Variants in NBEAL1 observed in about 807,000 individuals in gnomAD.
NBEAL1 encodes neurobeachin-like protein 1.
NBEAL1 carries 273 observed loss-of-function variants against 351.3 expected under a neutral mutation model. The observed-to-expected ratio is 0.78, with a 90% CI of 0.70 to 0.86. The LOEUF is 0.86. Among genes scored for constraint, NBEAL1 ranks in the 40% least tolerant of loss-of-function variants. The pLI, the probability that NBEAL1 is intolerant of heterozygous loss-of-function variation, is 0.00. For synonymous variants in NBEAL1, 1,050 were observed against 1,086.4 expected (o/e 0.97, Z 0.66); for missense variants, 2,961 against 3,201.3 (o/e 0.92, Z 1.81).
At chr2:203,044,839 T>C (rs1050594255) in intron 3 of NBEAL1, among the ~76,000 whole-genome samples, 1 of 152,150 alleles carries the variant, frequency 6.6e-6, no homozygotes, top group Admixed American at 6.5e-5. Flanking sequence ...TACTAGAATA[T>C]AAAGCCTTTG....
rs1238388475 is a variant in NBEAL1 at position 203,223,939 on chromosome 2, A to C, written c.*6585A>C. Among the ~76,000 whole-genome samples the C allele has an allele frequency of 6.6e-6, 1 of 152,090 alleles. No individual in the cohort carries two copies. Among genetic ancestry groups the C allele is most frequent in the East Asian group, 1.9e-4 (1 of 5,194 alleles). On this transcript the variant is annotated 3_prime_UTR_variant, in exon 56 of 56. Coordinates refer to ENST00000683969, the MANE Select transcript of NBEAL1 (RefSeq NM_001378026.1). ...CACTTTAAGAAGTGGTTCTGGTAGG[A>C]TATCAGTAGTCAGACTTAATTGAAA...
In NBEAL1 at chr2:203,122,283, A is replaced by G; in HGVS notation, c.2622A>G (p.Leu874=). The change falls in exon 19 of 56, where the codon TTA becomes TTG. Residue 874 remains leucine (L), a synonymous_variant. Coordinates refer to ENST00000683969, the MANE Select transcript of NBEAL1 (RefSeq NM_001378026.1). The part of the protein sequence containing the change: ...KACKNSICLD[L]STNCLHGRLT... ...GCAAAAATTCAATCTGTCTTGATTT[A>G]TCTACTAATTGTTTGCATGGAAGAT... 3 of 1,544,184 alleles carry G rather than the reference A, an allele frequency of 1.9e-6. No homozygotes were observed. The highest frequency in any genetic ancestry group is 2.6e-6 in the Non-Finnish European group (3 of 1,144,604).
chr2:203,141,122 A>G (rs1473440326), intron 31 of NBEAL1, among the ~76,000 whole-genome samples: 2 of 151,508 alleles, frequency 1.3e-5, no homozygotes, highest in Admixed American at 1.3e-4. Context: ...AATTTAGCCT[A>G]ATGACTGCTA....
In NBEAL1 at chr2:203,197,342, C is replaced by T; in HGVS notation, c.7079C>T (p.Pro2360Leu). 5 of 1,606,252 alleles carry T rather than the reference C, an allele frequency of 3.1e-6. No individual in the cohort carries two copies. The highest frequency in any genetic ancestry group is 4.3e-6 in the Non-Finnish European group (5 of 1,172,990). The change falls in exon 48 of 56, where the codon CCC becomes CTC. Residue 2360 changes from proline (P) to leucine (L), a missense_variant. By Grantham distance (98) the Pro-to-Leu change is moderately conservative (BLOSUM62 -3). Transcript: ENST00000683969. The part of the protein sequence containing the change: ...DGIPLLKATI[P>L]KNQYRSFMSQ... ...ATTCCACTATTAAAGGCCACCATCC[C>T]CAAAAATCAGTATCGTTCTTTTATG... is the stretch of plus-strand genomic sequence containing the variant.
intron 37 of NBEAL1, 107 bp downstream of exon 37, chr2:203,166,404 G>T (rs2064132993): frequency 1.9e-6 from 2 of 1,070,698 alleles, no homozygotes; most frequent in Admixed American, 3.2e-5. Flanking sequence ...ATCATGTGAA[G>T]GGAGAAATGG....
intron 46 of NBEAL1, among the ~76,000 whole-genome samples, chr2:203,192,324 A>C (rs947774043): frequency 6.6e-6 from 1 of 152,196 alleles, no homozygotes; most frequent in African/African-American, 2.4e-5. Context: ...TATTGTGATG[A>C]AAATGATACA....
chr2:203,224,827 G>C lies in NBEAL1; in HGVS notation c.*7473G>C, dbSNP rs1324045916. 6.6e-6 allele frequency among the ~76,000 whole-genome samples: 1 copy of C among 152,076 alleles called. No individual in the cohort carries two copies. The highest frequency in any genetic ancestry group is 1.5e-5 in the Non-Finnish European group (1 of 67,982). On this transcript the variant is annotated 3_prime_UTR_variant, in exon 56 of 56. Transcript: ENST00000683969. ...TGCCCCCCAAAAACATTTTAAAGCT[G>C]AGCAATTTTTAATAAAGATGTATAA...
Position 203,056,556 on chromosome 2 carries a change from T to A in NBEAL1, c.387+48T>A, listed in dbSNP as rs765900171. 11 of 1,056,164 alleles carry A rather than the reference T, an allele frequency of 1.0e-5. No homozygotes were observed. The South Asian group carries it at 1.5e-4, about 14-fold the overall frequency. The allele number at this position is 1,056,164 out of a possible 1,614,324, so 65.4% of individuals were successfully genotyped here. Reference sequence around the variant, plus strand: ...TGTCACTTTACTGAGAACAACTAGGTTTTACTTTTTGTTTGTTTGTTTGTT... The same window carrying A: ...TGTCACTTTACTGAGAACAACTAGGATTTACTTTTTGTTTGTTTGTTTGTT... On this transcript the variant is annotated intron_variant, in intron 5 of 55. Coordinates refer to ENST00000683969, the MANE Select transcript of NBEAL1 (RefSeq NM_001378026.1).
At chr2:203,113,584 G>C (rs1052534392) in intron 17 of NBEAL1, among the ~76,000 whole-genome samples, 53 of 152,156 alleles carry the variant, frequency 3.5e-4, no homozygotes, top group Admixed American at 3.1e-3. Context: ...GTATTTGTCT[G>C]CTAGGGCTGT....
intron 45 of NBEAL1, among the ~76,000 whole-genome samples, chr2:203,189,572 A>G (rs2065006419): frequency 6.6e-6 from 1 of 151,692 alleles, no homozygotes; most frequent in Non-Finnish European, 1.5e-5. Context: ...TTTTTTAGAG[A>G]GATGAAGTCT....
In NBEAL1 at chr2:203,078,156, G is replaced by A. The variant is rs538177155; in HGVS notation, c.684+319G>A. ...CCTCATCAGTCCACTTGATGAAATC[G>A]AAGTCTAGTAGTTTGGTTTCTAAAG... On this transcript the variant is annotated intron_variant, in intron 8 of 55. Transcript: ENST00000683969. Among the ~76,000 whole-genome samples the A allele has an allele frequency of 2.6e-5, 4 of 152,154 alleles. 1 individual carries two copies. The South Asian group carries it at 8.3e-4, about 32-fold the overall frequency.
At chr2:203,171,018 G>A (rs969672577) in intron 39 of NBEAL1, among the ~76,000 whole-genome samples, 1 of 152,110 alleles carries the variant, frequency 6.6e-6, no homozygotes, top group African/African-American at 2.4e-5. Flanking sequence ...TGTAATCCCA[G>A]CACTAAGGCT....
intron 51 of NBEAL1, among the ~76,000 whole-genome samples, chr2:203,206,564 C>T (rs2065573268): frequency 6.8e-6 from 1 of 146,550 alleles, no homozygotes; most frequent in Admixed American, 6.9e-5. Flanking sequence ...TGCAGGCGCG[C>T]GCCGCCACGC....
chr2:203,144,527 C>G (rs932137348), intron 31 of NBEAL1, 73 bp from the exon 32 acceptor site: 9 of 1,384,774 alleles, frequency 6.5e-6, no homozygotes, highest in Non-Finnish European at 7.9e-6. Context: ...ATCCACAGAG[C>G]CAGGCAGAAC....
At chr2:203,078,727 C>T (rs2061822191) in intron 8 of NBEAL1, among the ~76,000 whole-genome samples, 1 of 152,086 alleles carries the variant, frequency 6.6e-6, no homozygotes, top group Admixed American at 6.6e-5. Context: ...TTTCTTAAAC[C>T]ACACAGTTTA....
At chr2:203,181,772 T>TA (rs1225537471) in intron 43 of NBEAL1, 6 of 152,206 alleles carry the variant, frequency 3.9e-5, no homozygotes, top group Non-Finnish European at 7.3e-5. Flanking sequence ...GGCATCACAG[T>TA]AAGGCAGTCA....
At chr2:203,110,108 ACAAC>A (rs1399021771) in intron 14 of NBEAL1, 38 bp from the exon 15 acceptor site, 1 of 1,524,930 alleles carries the variant, frequency 6.6e-7, no homozygotes, top group East Asian at 2.5e-5. Flanking sequence ...ATGAAACTGA[ACAAC>A]CAACTTTAAA....
intron 27 of NBEAL1, among the ~76,000 whole-genome samples, chr2:203,134,331 G>A (rs2063148925): frequency 6.6e-6 from 1 of 152,060 alleles, no homozygotes; most frequent in Non-Finnish European, 1.5e-5. Flanking sequence ...TTTAAAGTCA[G>A]CATGAAAAGT....
intron 2 of NBEAL1, among the ~76,000 whole-genome samples, chr2:203,038,813 G>A (rs908584917): frequency 6.7e-6 from 1 of 148,462 alleles, no homozygotes; most frequent in Non-Finnish European, 1.5e-5. Context: ...GAGTAACTGA[G>A]ACTGCTGGCA....
Sources: gnomAD v4.1 joint callset for allele counts (sites outside exome capture counted in the v4.1 genomes callset) on GRCh38, gnomAD v4.1.1 for gene constraint, MANE v1.5 for transcripts, NCBI Gene and HGNC (gene_info 2026-07-23, HGNC 2026-07-21) for gene names.